The following SPAG16 variants were observed in gnomAD, a reference collection of about 807,000 sequenced individuals.
SPAG16 encodes the protein sperm-associated antigen 16 protein.
Under a neutral mutation model 80.4 loss-of-function variants are expected in SPAG16, and 86 were observed. The ratio of observed to expected loss-of-function variants is 1.07; its 90% CI spans 0.90 to 1.28. The LOEUF (loss-of-function observed/expected upper bound fraction) is 1.28, where lower values mean the gene tolerates loss of function less well. SPAG16 is among the 50% of genes most tolerant of loss of function. SPAG16 has a pLI of 0.00. For synonymous variants in SPAG16, 294 were observed against 265.9 expected, an observed-to-expected ratio of 1.11 and a Z score of -1.03; for missense variants, 870 against 765.3, an observed-to-expected ratio of 1.14 and a Z score of -1.61.
chr2:213,875,996 C>T (rs1471569446), intron 11 of SPAG16, among the ~76,000 whole-genome samples: 2 of 152,002 alleles, frequency 1.3e-5, no homozygotes, highest in East Asian at 3.9e-4. Context: ...ATATATTAAA[C>T]ACAGCAACTA....
rs141678416 is a variant in SPAG16, at chr2:214,019,403, T to C, written c.1527+5326T>C. ...AACAGTCAGAGTTGCTGACATTTTGTCTCTTGCCATGAGTCAGACACAGAG... is the reference window on the plus strand; with the variant it reads ...AACAGTCAGAGTTGCTGACATTTTGCCTCTTGCCATGAGTCAGACACAGAG... On this transcript the variant is annotated intron_variant, in intron 13 of 15. Coordinates refer to ENST00000331683, the MANE Select transcript of SPAG16 (RefSeq NM_024532.5). Among the ~76,000 whole-genome samples the C allele has an allele frequency of 1.9e-3, 282 of 152,266 alleles. 2 individuals carry two copies. The highest frequency in any genetic ancestry group is 6.5e-3 in the African/African-American group (270 of 41,558).
intron 15 of SPAG16, among the ~76,000 whole-genome samples, chr2:214,385,022 T>C (rs762579128): frequency 6.6e-6 from 1 of 152,236 alleles, no homozygotes; most frequent in Non-Finnish European, 1.5e-5. Flanking sequence ...ACCCATGGTA[T>C]GTTTACTATC....
At chr2:213,299,003 A>G (rs1481120671) in intron 3 of SPAG16, among the ~76,000 whole-genome samples, 1 of 152,112 alleles carries the variant, frequency 6.6e-6, no homozygotes, top group Non-Finnish European at 1.5e-5. Context: ...AGTAATTTGA[A>G]TTGTGCTATG....
intron 10 of SPAG16, among the ~76,000 whole-genome samples, chr2:213,845,264 C>G (rs1007408405): frequency 2.7e-5 from 4 of 149,620 alleles, no homozygotes; most frequent in Admixed American, 6.7e-5. Context: ...GTGGCACAGT[C>G]TCGGCTCACT....
At position 213,918,094 on chromosome 2, in the gene SPAG16, C is replaced by T. The variant is rs981069520; in HGVS notation, c.1215-11866C>T. On this transcript the variant is annotated intron_variant, in intron 11 of 15. Coordinates refer to ENST00000331683, the MANE Select transcript of SPAG16 (RefSeq NM_024532.5). ...ATTTATTGATTTGTGTATGTTCAACCGAGCTTACATCCCAGGGATAAAGCC... is the reference window on the plus strand; with the variant it reads ...ATTTATTGATTTGTGTATGTTCAACTGAGCTTACATCCCAGGGATAAAGCC... Among the ~76,000 whole-genome samples the T allele has an allele frequency of 5.3e-5, 8 of 152,218 alleles. No individual in the cohort carries two copies. In the East Asian group the frequency reaches 7.7e-4, roughly 15 times the overall value.
chr2:214,059,647 T>G (rs1161046308), intron 13 of SPAG16, among the ~76,000 whole-genome samples: 2 of 152,196 alleles, frequency 1.3e-5, no homozygotes, highest in Admixed American at 1.3e-4. Context: ...CTGTTTTCTT[T>G]GAGTTCTTCA....
At chr2:213,556,442 G>A (rs2059428595) in intron 10 of SPAG16, among the ~76,000 whole-genome samples, 1 of 151,592 alleles carries the variant, frequency 6.6e-6, no homozygotes, top group African/African-American at 2.4e-5. Flanking sequence ...AAGATAGCGG[G>A]GATAGCTAAA....
intron 10 of SPAG16, among the ~76,000 whole-genome samples, chr2:213,622,437 C>T (rs2061820778): frequency 6.6e-6 from 1 of 152,198 alleles, no homozygotes; most frequent in South Asian, 2.1e-4. Context: ...GCTGTATAAA[C>T]TCCTAGTTTT....
intron 9 of SPAG16, among the ~76,000 whole-genome samples, chr2:213,422,905 G>A (rs2069685748): frequency 6.6e-6 from 1 of 152,184 alleles, no homozygotes; most frequent in Non-Finnish European, 1.5e-5. Context: ...CTTAGTCTAT[G>A]ATGACAGCTT....
chr2:213,642,984 T>C (rs1395397850), intron 10 of SPAG16, among the ~76,000 whole-genome samples: 1 of 151,498 alleles, frequency 6.6e-6, no homozygotes, highest in Non-Finnish European at 1.5e-5. Flanking sequence ...GCAGATGGCT[T>C]ATTGTGGGAC....
intron 9 of SPAG16, among the ~76,000 whole-genome samples, chr2:213,428,124 C>T (rs1203461375): frequency 6.6e-6 from 1 of 152,062 alleles, no homozygotes; most frequent in Admixed American, 6.5e-5. Context: ...AGAAGGCACA[C>T]AGGAATTCAA....
At chr2:214,143,234 G>GTTTTTTTTTT (rs59910884) in intron 14 of SPAG16, among the ~76,000 whole-genome samples, 1 of 112,670 alleles carries the variant, frequency 8.9e-6, no homozygotes, top group Non-Finnish European at 1.8e-5. Flanking sequence ...ATAGTTTTGG[G>GTTTTTTTTTT]TTTTTTTTTT....
chr2:213,341,419 A>G (rs1034232090), intron 6 of SPAG16, among the ~76,000 whole-genome samples: 1 of 152,182 alleles, frequency 6.6e-6, no homozygotes, highest in Non-Finnish European at 1.5e-5. Context: ...ACCCAAATAC[A>G]TTAATAGTGT....
At chr2:213,428,987 G>C (rs1326974611) in intron 9 of SPAG16, among the ~76,000 whole-genome samples, 1 of 151,910 alleles carries the variant, frequency 6.6e-6, no homozygotes, top group African/African-American at 2.4e-5. Flanking sequence ...AGCTACTCAG[G>C]AGGCTAAGGC....
intron 8 of SPAG16, among the ~76,000 whole-genome samples, chr2:213,370,932 C>G (rs2066593933): frequency 6.6e-6 from 1 of 152,328 alleles, no homozygotes; most frequent in South Asian, 2.1e-4. Context: ...ACTATCTAAT[C>G]AAAAGTAGTT....
chr2:213,899,073 G>T (rs549686147), intron 11 of SPAG16, among the ~76,000 whole-genome samples: 5 of 152,054 alleles, frequency 3.3e-5, no homozygotes, highest in Non-Finnish European at 7.4e-5. Flanking sequence ...GAAGGGATAG[G>T]ATACCAGATT....
intron 10 of SPAG16, among the ~76,000 whole-genome samples, chr2:213,772,623 A>G (rs899189570): frequency 1.3e-5 from 2 of 152,180 alleles, no homozygotes; most frequent in Admixed American, 1.3e-4. Context: ...TTTTACCAAT[A>G]TAACATCTTT....
intron 15 of SPAG16, among the ~76,000 whole-genome samples, chr2:214,356,846 C>G (rs1462700163): frequency 6.6e-6 from 1 of 151,864 alleles, no homozygotes; most frequent in Non-Finnish European, 1.5e-5. Flanking sequence ...TACATGATTA[C>G]TATGTGGTTG....
intron 10 of SPAG16, among the ~76,000 whole-genome samples, chr2:213,767,418 A>G (rs991494856): frequency 2.0e-5 from 3 of 152,152 alleles, no homozygotes; most frequent in African/African-American, 7.2e-5. Flanking sequence ...CTGTAATCCT[A>G]GCACTTTGGG....
Sources: gnomAD v4.1 joint callset for allele counts (sites outside exome capture counted in the v4.1 genomes callset) on GRCh38, gnomAD v4.1.1 for gene constraint, MANE v1.5 for transcripts, NCBI Gene and HGNC (gene_info 2026-07-23, HGNC 2026-07-21) for gene names.